Variants in ZBBX observed in about 807,000 individuals in gnomAD.
ZBBX encodes the protein zinc finger B-box domain containing, also known as zinc finger B-box domain-containing protein 1.
In ZBBX, 101 loss-of-function variants were observed where a neutral mutation model predicts 108.5. The ratio of observed to expected loss-of-function variants is 0.93; its 90% CI spans 0.79 to 1.10. The LOEUF is 1.10. ZBBX is among the 50% of genes least tolerant of loss of function. ZBBX has a pLI of 0.00. For synonymous variants in ZBBX, 356 were observed against 323.4 expected (o/e 1.10, Z -1.08); for missense variants, 1,009 against 941.4 (o/e 1.07, Z -0.94).
chr3:167,244,358 G>T (rs1721199065), intron 20 of ZBBX, among the ~76,000 whole-genome samples: 1 of 152,172 alleles, frequency 6.6e-6, no homozygotes, highest in South Asian at 2.1e-4. Context: ...TTCAGGATTT[G>T]GAACTGGTAG....
At chr3:167,346,579 C>T (rs80046141) in intron 9 of ZBBX, among the ~76,000 whole-genome samples, 7,870 of 151,906 alleles carry the variant, frequency 0.052, 548 homozygotes, top group African/African-American at 0.16. Flanking sequence ...CACCGTCAGC[C>T]TAGAATACTT....
intron 9 of ZBBX, among the ~76,000 whole-genome samples, chr3:167,343,668 G>C (rs1740939704): frequency 6.6e-6 from 1 of 151,854 alleles, no homozygotes; most frequent in Admixed American, 6.6e-5. Context: ...AAACCACGAT[G>C]TGCTACTGCT....
At chr3:167,191,914 T>G in the ZBBX span, among the ~76,000 whole-genome samples, 977 of 114,624 alleles carry the variant, frequency 8.5e-3, 32 homozygotes, top group African/African-American at 0.021. Flanking sequence ...TATATATATA[T>G]ATATATATAT....
At chr3:167,205,113 G>T in the ZBBX span, among the ~76,000 whole-genome samples, 1 of 152,128 alleles carries the variant, frequency 6.6e-6, no homozygotes, top group Non-Finnish European at 1.5e-5. Flanking sequence ...GCAGGAGAAA[G>T]ATCTAAAATA....
chr3:167,295,782 A>C (rs1223703091), intron 18 of ZBBX, among the ~76,000 whole-genome samples: 1 of 128,960 alleles, frequency 7.8e-6, no homozygotes, highest in African/African-American at 2.9e-5. Flanking sequence ...AAGGAGATTA[A>C]ATCTGTTAAC....
At chr3:167,277,390 A>G (rs1056324673) in intron 20 of ZBBX, among the ~76,000 whole-genome samples, 1 of 152,200 alleles carries the variant, frequency 6.6e-6, no homozygotes, top group Non-Finnish European at 1.5e-5. Flanking sequence ...CTCAAAATAA[A>G]AGGATAGAGG....
At chr3:167,338,789 C>A (rs1740022138) in intron 9 of ZBBX, among the ~76,000 whole-genome samples, 1 of 152,006 alleles carries the variant, frequency 6.6e-6, no homozygotes, top group Non-Finnish European at 1.5e-5. Context: ...GAGAGATACA[C>A]ACATATACAC....
chr3:167,191,920 T>TAG, the ZBBX span, among the ~76,000 whole-genome samples: 3 of 122,190 alleles, frequency 2.5e-5, no homozygotes, highest in Non-Finnish European at 3.3e-5. Flanking sequence ...TATATATATA[T>TAG]ATATATATAT....
chr3:167,282,552 T>A, intron 19 of ZBBX, 57 bp from the exon 20 acceptor site: 1 of 1,432,386 alleles, frequency 7.0e-7, no homozygotes, highest in Non-Finnish European at 9.6e-7. Flanking sequence ...AATGAGTACT[T>A]AAAGATACAA....
chr3:167,219,942 A>C, the ZBBX span, among the ~76,000 whole-genome samples: 1 of 152,140 alleles, frequency 6.6e-6, no homozygotes, highest in East Asian at 1.9e-4. Flanking sequence ...CAGAAATTCC[A>C]AGAATTATTA....
intron 8 of ZBBX, among the ~76,000 whole-genome samples, chr3:167,356,055 TC>T (rs1194909230): frequency 6.6e-6 from 1 of 152,052 alleles, no homozygotes; most frequent in East Asian, 1.9e-4. Flanking sequence ...CTGTTCAAGT[TC>T]CATGGCTCAA....
chr3:167,330,137 A>C (rs1418436337), intron 10 of ZBBX, among the ~76,000 whole-genome samples: 1 of 152,218 alleles, frequency 6.6e-6, no homozygotes, highest in Non-Finnish European at 1.5e-5. Flanking sequence ...GGAGTATTTT[A>C]CAGCCACTAC....
intron 1 of ZBBX, among the ~76,000 whole-genome samples, chr3:167,386,427 A>C: frequency 6.6e-6 from 1 of 152,214 alleles, no homozygotes. Context: ...AGGAAACTCC[A>C]AAGTATAGAT....
intron 6 of ZBBX, among the ~76,000 whole-genome samples, chr3:167,362,388 C>T (rs1744661763): frequency 6.6e-6 from 1 of 152,012 alleles, no homozygotes; most frequent in Admixed American, 6.6e-5. Context: ...TCAGAATATG[C>T]TGTCATCATC....
chr3:167,345,610 T>C (rs1339802320), intron 9 of ZBBX, among the ~76,000 whole-genome samples: 1 of 151,894 alleles, frequency 6.6e-6, no homozygotes, highest in East Asian at 1.9e-4. Flanking sequence ...TTCAATCTTA[T>C]TGGTAACTCT....
chr3:167,338,014 G>T (rs568564341), intron 9 of ZBBX, among the ~76,000 whole-genome samples: 1 of 152,056 alleles, frequency 6.6e-6, no homozygotes, highest in Non-Finnish European at 1.5e-5. Context: ...AAAATTACCT[G>T]TGCAACTGCT....
intron 20 of ZBBX, among the ~76,000 whole-genome samples, chr3:167,259,161 T>C (rs1359604394): frequency 6.6e-6 from 1 of 152,200 alleles, no homozygotes; most frequent in Admixed American, 6.5e-5. Flanking sequence ...TTGTTATTGA[T>C]CTGTTCAGGG....
At chr3:167,198,993 T>C in the ZBBX span, among the ~76,000 whole-genome samples, 4 of 152,230 alleles carry the variant, frequency 2.6e-5, no homozygotes, top group African/African-American at 7.2e-5. Context: ...TGTTTTTGTT[T>C]GTGTTCTCCC....
At chr3:167,212,845 A>C in the ZBBX span, among the ~76,000 whole-genome samples, 1 of 152,170 alleles carries the variant, frequency 6.6e-6, no homozygotes. Context: ...GAGGAGTCAC[A>C]GAACTGAGCA....
Sources: allele counts gnomAD v4.1 joint callset (sites outside exome capture counted in the v4.1 genomes callset), GRCh38; gene constraint gnomAD v4.1.1; transcripts MANE v1.5; gene names NCBI Gene and HGNC (gene_info 2026-07-23, HGNC 2026-07-21).